The following DOK5 variants were observed in gnomAD, a reference collection of about 807,000 sequenced individuals.
DOK5 encodes the protein downstream of tyrosine kinase 5.
In DOK5, 27 loss-of-function variants were observed where a neutral mutation model predicts 43.3. That is an observed-to-expected ratio of 0.62 (90% CI 0.46 to 0.86). The LOEUF is 0.86. Ranked by LOEUF, DOK5 falls within the 40% of genes least tolerant of loss-of-function variation. The probability of loss-of-function intolerance (pLI) is 0.00; values close to 1 mark genes in which losing one functional copy is unlikely to be tolerated. For synonymous variants in DOK5, 146 were observed against 140.1 expected (o/e 1.04, Z -0.30); for missense variants, 373 against 392.9 (o/e 0.95, Z 0.43).
At chr20:54,481,150 CTAT>C (rs1981699820) in intron 1 of DOK5, among the ~76,000 whole-genome samples, 8 of 151,256 alleles carry the variant, frequency 5.3e-5, no homozygotes, top group African/African-American at 2.0e-4. Flanking sequence ...ATCTATCTAT[CTAT>C]CTATCTATCT....
intron 1 of DOK5, among the ~76,000 whole-genome samples, chr20:54,490,661 T>C (rs1982130886): frequency 6.6e-6 from 1 of 152,118 alleles, no homozygotes; most frequent in Non-Finnish European, 1.5e-5. Flanking sequence ...TATTGGCTCA[T>C]GGCAACCTCC....
At chr20:54,602,946 C>T (rs1024297769) in intron 5 of DOK5, among the ~76,000 whole-genome samples, 1 of 152,230 alleles carries the variant, frequency 6.6e-6, no homozygotes, top group African/African-American at 2.4e-5. Context: ...GCTGGGATTA[C>T]AGGCATGAGC....
Position 54,641,009 on chromosome 20 carries a change from T to A in DOK5, c.736-2449T>A, listed in dbSNP as rs116105884. On this transcript the variant is annotated intron_variant, in intron 6 of 7. Transcript: ENST00000262593. The stretch of plus-strand genomic sequence containing the variant: ...GATATGTTAATTAGCTCAAATGAAT[T>A]TTTTTATAGTATGTACATAGATCAA... Among the ~76,000 whole-genome samples the A allele has an allele frequency of 8.5e-3, 1,290 of 152,320 alleles. 15 individuals are homozygous for A. Among genetic ancestry groups the A allele is most frequent in the African/African-American group, 0.029 (1,203 of 41,582 alleles).
chr20:54,617,149 G>A (rs1286229184), intron 6 of DOK5, among the ~76,000 whole-genome samples: 1 of 152,110 alleles, frequency 6.6e-6, no homozygotes, highest in African/African-American at 2.4e-5. Context: ...GGGGTTGTGG[G>A]ATTGAGGGCT....
At chr20:54,525,841 A>C (rs1204912861) in intron 1 of DOK5, among the ~76,000 whole-genome samples, 1 of 152,220 alleles carries the variant, frequency 6.6e-6, no homozygotes, top group Non-Finnish European at 1.5e-5. Flanking sequence ...GATTTGTTAG[A>C]AGTTGTATTC....
intron 1 of DOK5, among the ~76,000 whole-genome samples, chr20:54,539,175 A>C (rs1025772284): frequency 2.0e-5 from 3 of 150,510 alleles, no homozygotes; most frequent in African/African-American, 7.3e-5. Context: ...CTGTAGTCCC[A>C]GCTACTTGGG....
chr20:54,502,474 A>C (rs1205775040), intron 1 of DOK5, among the ~76,000 whole-genome samples: 1 of 152,192 alleles, frequency 6.6e-6, no homozygotes, highest in Non-Finnish European at 1.5e-5. Context: ...TCGAAATTCA[A>C]GAATTAAAAG....
chr20:54,556,112 A>G lies in DOK5; in HGVS notation c.174+1072A>G, dbSNP rs566512300. 5.3e-5 allele frequency among the ~76,000 whole-genome samples: 8 copies of G among 152,344 alleles called. No homozygotes were observed. In the East Asian group the frequency reaches 1.5e-3, roughly 29 times the overall value. ...ACTTTATAGGCACACCTGTATGTAC[A>G]TAAGGGAAGAATAAGCACAAAACAA... On this transcript the variant is annotated intron_variant, in intron 2 of 7. Coordinates refer to ENST00000262593, the MANE Select transcript of DOK5 (RefSeq NM_018431.5).
At chr20:54,564,643 A>G (rs1204497349) in intron 2 of DOK5, among the ~76,000 whole-genome samples, 1 of 152,162 alleles carries the variant, frequency 6.6e-6, no homozygotes, top group Non-Finnish European at 1.5e-5. Context: ...AAATACATAT[A>G]CCATGTAGTA....
At chr20:54,488,885 T>C (rs1982053299) in intron 1 of DOK5, among the ~76,000 whole-genome samples, 1 of 151,504 alleles carries the variant, frequency 6.6e-6, no homozygotes, top group South Asian at 2.1e-4. Context: ...TATTTACATC[T>C]GACAGTAAGT....
At chr20:54,636,040 G>C (rs1978810808) in intron 6 of DOK5, among the ~76,000 whole-genome samples, 1 of 152,004 alleles carries the variant, frequency 6.6e-6, no homozygotes, top group South Asian at 2.1e-4. Context: ...ATCAAGTGGT[G>C]AAAGAGCAGA....
At chr20:54,563,664 G>GTTTTTTTTTTTTTTTTTTT (rs76886127) in intron 2 of DOK5, among the ~76,000 whole-genome samples, 3 of 114,354 alleles carry the variant, frequency 2.6e-5, no homozygotes, top group South Asian at 2.9e-4. Flanking sequence ...TATTTGTCAG[G>GTTTTTTTTTTTTTTTTTTT]TTTTTTTTTT....
chr20:54,571,145 G>A (rs919512592), intron 2 of DOK5, among the ~76,000 whole-genome samples: 1 of 152,196 alleles, frequency 6.6e-6, no homozygotes, highest in African/African-American at 2.4e-5. Flanking sequence ...AGTACTTTGT[G>A]TATTTGATAC....
At chr20:54,633,364 T>C (rs1392317786) in intron 6 of DOK5, among the ~76,000 whole-genome samples, 4 of 151,478 alleles carry the variant, frequency 2.6e-5, no homozygotes, top group Non-Finnish European at 4.4e-5. Flanking sequence ...AGAGCCGAGA[T>C]TTCAGCAGAA....
At chr20:54,632,651 C>T (rs894789780) in intron 6 of DOK5, among the ~76,000 whole-genome samples, 1 of 152,160 alleles carries the variant, frequency 6.6e-6, no homozygotes, top group African/African-American at 2.4e-5. Context: ...GTGACTTTCA[C>T]GTGGGCTCTT....
chr20:54,641,768 T>G (rs1368969902), intron 6 of DOK5, among the ~76,000 whole-genome samples: 1 of 152,196 alleles, frequency 6.6e-6, no homozygotes, highest in Non-Finnish European at 1.5e-5. Context: ...GACATATAAA[T>G]GTTTCATTTC....
chr20:54,516,073 C>T (rs1413890340), intron 1 of DOK5, among the ~76,000 whole-genome samples: 1 of 152,030 alleles, frequency 6.6e-6, no homozygotes, highest in Non-Finnish European at 1.5e-5. Context: ...TGTCGTGTAC[C>T]CTTAGGCTAA....
rs568929638 is a variant in DOK5, at chr20:54,583,700, C to T, written c.175-4783C>T. Among the ~76,000 whole-genome samples the T allele has an allele frequency of 3.3e-5, 5 of 151,982 alleles. No homozygotes were observed. In the South Asian group the frequency reaches 1.0e-3, roughly 32 times the overall value. ...TTTAATCTGATATAAGTATTGCCAC[C>T]CCTACTCTTCTTTTGACTGCTGTTT... On this transcript the variant is annotated intron_variant, in intron 2 of 7. Transcript: ENST00000262593.
At chr20:54,478,368 T>C (rs1981521942) in intron 1 of DOK5, among the ~76,000 whole-genome samples, 1 of 152,204 alleles carries the variant, frequency 6.6e-6, no homozygotes. Context: ...CTACATATAG[T>C]CTAGAACAGC....
Sources: allele counts gnomAD v4.1 joint callset (sites outside exome capture counted in the v4.1 genomes callset), GRCh38; gene constraint gnomAD v4.1.1; transcripts MANE v1.5; gene names NCBI Gene and HGNC (gene_info 2026-07-23, HGNC 2026-07-21).